The following JMY variants were observed in gnomAD, a reference collection of about 807,000 sequenced individuals.
JMY encodes junction-mediating and -regulatory protein.
JMY carries 46 observed loss-of-function variants against 103.3 expected under a neutral mutation model. The ratio of observed to expected loss-of-function variants is 0.45; its 90% confidence interval spans 0.35 to 0.57. The LOEUF (loss-of-function observed/expected upper bound fraction) is 0.57. Ranked by LOEUF, JMY falls within the 20% of genes least tolerant of loss-of-function variation. The probability of loss-of-function intolerance (pLI) is 0.00; values close to 1 mark genes in which losing one functional copy is unlikely to be tolerated. For synonymous variants in JMY, 526 were observed against 489.3 expected (o/e 1.07, Z -0.99); for missense variants, 1,238 against 1,255.2 (o/e 0.99, Z 0.21).
intron 1 of JMY, among the ~76,000 whole-genome samples, chr5:79,264,092 GT>G (rs372374914): frequency 6.6e-6 from 1 of 150,416 alleles, no homozygotes; most frequent in Non-Finnish European, 1.5e-5. Flanking sequence ...TGGCCTTTTT[GT>G]TTTTTTTTAA....
chr5:79,244,781 A>C (rs2112044893), intron 1 of JMY, among the ~76,000 whole-genome samples: 1 of 151,964 alleles, frequency 6.6e-6, no homozygotes, highest in South Asian at 2.1e-4. Context: ...TTAAGTTCCA[A>C]GTGTAAGAGA....
intron 2 of JMY, among the ~76,000 whole-genome samples, chr5:79,285,468 A>G (rs1019428560): frequency 1.3e-5 from 2 of 152,170 alleles, no homozygotes; most frequent in Admixed American, 1.3e-4. Flanking sequence ...CACCGCATGC[A>G]CACTGTGAAC....
In JMY at chr5:79,270,520, A is replaced by T. The variant is rs188828310; in HGVS notation, c.1033-7390A>T. On this transcript the variant is annotated intron_variant, in intron 1 of 10. Coordinates refer to ENST00000396137, the MANE Select transcript of JMY (RefSeq NM_152405.5). ...AATATATATTTACATAAATATTTAAAATATATATTTACATAAATATTTAAA... is the reference window on the plus strand; with the variant it reads ...AATATATATTTACATAAATATTTAATATATATATTTACATAAATATTTAAA... Among the ~76,000 whole-genome samples the T allele has an allele frequency of 3.9e-4, 32 of 81,650 alleles. 2 individuals carry two copies. The East Asian group carries it at 6.6e-3, about 17-fold the overall frequency. The allele number at this position is 81,650 out of a possible 152,430, so 53.6% of individuals were successfully genotyped here.
At chr5:79,257,244 C>T (rs554529377) in intron 1 of JMY, among the ~76,000 whole-genome samples, 1 of 151,936 alleles carries the variant, frequency 6.6e-6, no homozygotes, top group African/African-American at 2.4e-5. Flanking sequence ...GGCTAAGTTC[C>T]ATACTTCTTT....
chr5:79,286,109 T>C (rs1049045545), intron 2 of JMY, among the ~76,000 whole-genome samples: 3 of 152,230 alleles, frequency 2.0e-5, no homozygotes, highest in Non-Finnish European at 4.4e-5. Flanking sequence ...AGTACCCTTG[T>C]TTAATGTCTT....
At chr5:79,290,933 T>C (rs1328419566) in intron 3 of JMY, among the ~76,000 whole-genome samples, 197 bp from the exon 4 acceptor site, 1 of 152,070 alleles carries the variant, frequency 6.6e-6, no homozygotes, top group East Asian at 1.9e-4. Flanking sequence ...TGCAGTGAGC[T>C]GAAATCGCGC....
At chr5:79,250,644 A>C (rs1035572308) in intron 1 of JMY, among the ~76,000 whole-genome samples, 11 of 122,838 alleles carry the variant, frequency 9.0e-5, no homozygotes, top group Admixed American at 1.6e-4. Context: ...ATTTTTAATT[A>C]TTTTTCTTTT....
At chr5:79,277,792 C>G (rs1424370965) in intron 1 of JMY, 118 bp from the exon 2 acceptor site, 1 of 747,902 alleles carries the variant, frequency 1.3e-6, no homozygotes, top group Non-Finnish European at 2.1e-6. Flanking sequence ...CTTTTCATTC[C>G]CTCTTGCTTC....
intron 1 of JMY, among the ~76,000 whole-genome samples, chr5:79,264,701 C>T (rs1465889728): frequency 6.6e-6 from 1 of 152,154 alleles, no homozygotes; most frequent in Non-Finnish European, 1.5e-5. Flanking sequence ...GATTTTGTCA[C>T]TCTGTGCCTG....
At chr5:79,318,130 T>A (rs975087195) in intron 10 of JMY, among the ~76,000 whole-genome samples, 4 of 151,878 alleles carry the variant, frequency 2.6e-5, no homozygotes, top group African/African-American at 9.7e-5. Context: ...GCCTCCTGAG[T>A]AGCTGGGATT....
chr5:79,243,618 T>A (rs1744803619), intron 1 of JMY, among the ~76,000 whole-genome samples: 1 of 152,210 alleles, frequency 6.6e-6, no homozygotes, highest in South Asian at 2.1e-4. Context: ...CTAACCATGT[T>A]ATACTCCCAT....
intron 1 of JMY, among the ~76,000 whole-genome samples, chr5:79,260,324 CCCACTGCCA>C (rs755718112): frequency 1.3e-5 from 2 of 152,160 alleles, no homozygotes; most frequent in Admixed American, 6.5e-5. Context: ...GCACAGGAAA[CCCACTGCCA>C]CCACTGCCGC....
In JMY at chr5:79,237,503, CTG is replaced by C. The variant is rs1291650256; in HGVS notation, c.857_858del (p.Cys286LeufsTer29). 2 of 1,613,694 alleles carry C rather than the reference CTG, an allele frequency of 1.2e-6. No homozygotes were observed. The highest frequency in any genetic ancestry group is 8.5e-7 in the Non-Finnish European group (1 of 1,180,012). On this transcript the variant is annotated frameshift_variant, in exon 1 of 11. Coordinates refer to ENST00000396137, the MANE Select transcript of JMY (RefSeq NM_152405.5). LOFTEE classifies it high-confidence loss of function. ...PEMTEQEIDTLCYQLQVYLGH... is the reference protein window; with the variant it reads ...PEMTEQEIDTXCYQLQVYLGH... ...GATGACCGAGCAGGAAATCGACACT[CTG>C]TGTTACCAGCTCCAGGTCTACCTGG...
chr5:79,265,135 A>G (rs2112070139), intron 1 of JMY, among the ~76,000 whole-genome samples: 1 of 152,284 alleles, frequency 6.6e-6, no homozygotes, highest in South Asian at 2.1e-4. Flanking sequence ...CTTGTTAGCC[A>G]GGATGGTCTT....
chr5:79,236,516 G>T lies in JMY; in HGVS notation c.-135G>T. 1.6e-6 allele frequency: 1 copy of T among 608,956 alleles called. No homozygotes were observed. The highest frequency in any genetic ancestry group is 2.5e-6 in the Non-Finnish European group (1 of 404,004). The allele number at this position is 608,956 out of a possible 1,614,324, so 37.7% of individuals were successfully genotyped here. A position where few individuals can be genotyped will look rare whatever the true frequency, so the allele number is the denominator to read the frequency against. ...GCGCGGAGGGACAGGCGAACGAGCC[G>T]GGAGAGCCGGCCGGCGCACTAAGAT... is the stretch of plus-strand genomic sequence containing the variant. On this transcript the variant is annotated 5_prime_UTR_variant, in exon 1 of 11. Coordinates refer to ENST00000396137, the MANE Select transcript of JMY (RefSeq NM_152405.5).
At position 79,270,616 on chromosome 5, in the gene JMY, T is replaced by TTATATAAAATATATTTACATAAA. The variant is rs1214485192; in HGVS notation, c.1033-7290_1033-7268dup. On this transcript the variant is annotated intron_variant, in intron 1 of 10. Coordinates refer to ENST00000396137, the MANE Select transcript of JMY (RefSeq NM_152405.5). ...TTAAAATGTATATTTACATAAATGT[T>TTATATAAAATATATTTACATAAA]TATATAAAATATATTTACATAAATA... 1.7e-3 allele frequency among the ~76,000 whole-genome samples: 225 copies of TTATATAAAATATATTTACATAAA among 131,944 alleles called. 11 individuals are homozygous for TTATATAAAATATATTTACATAAA. Among genetic ancestry groups the TTATATAAAATATATTTACATAAA allele is most frequent in the African/African-American group, 6.7e-3 (218 of 32,368 alleles). The allele number at this position is 131,944 out of a possible 152,430, so 86.6% of individuals were successfully genotyped here. A position where few individuals can be genotyped will look rare whatever the true frequency, so the allele number is the denominator to read the frequency against.
intron 10 of JMY, among the ~76,000 whole-genome samples, chr5:79,319,150 C>T (rs1370612077): frequency 6.6e-6 from 1 of 152,202 alleles, no homozygotes; most frequent in Non-Finnish European, 1.5e-5. Context: ...GACATTGCAT[C>T]AGCATTTTGT....
chr5:79,242,936 A>C (rs1286176764), intron 1 of JMY, among the ~76,000 whole-genome samples: 5 of 152,072 alleles, frequency 3.3e-5, no homozygotes, highest in African/African-American at 1.2e-4. Context: ...CGTGCATGCA[A>C]ACACTCAATA....
At chr5:79,318,491 G>T (rs961214183) in intron 10 of JMY, among the ~76,000 whole-genome samples, 3 of 152,014 alleles carry the variant, frequency 2.0e-5, no homozygotes, top group Non-Finnish European at 4.4e-5. Flanking sequence ...GTTCCTTTGG[G>T]TATGGGTTCA....
Sources: gnomAD v4.1 joint callset for allele counts (sites outside exome capture counted in the v4.1 genomes callset) on GRCh38, gnomAD v4.1.1 for gene constraint, MANE v1.5 for transcripts, NCBI Gene and HGNC (gene_info 2026-07-23, HGNC 2026-07-21) for gene names.